Variants in PRKCD observed in about 807,000 individuals in gnomAD.
PRKCD encodes protein kinase C delta type.
In PRKCD, 20 loss-of-function variants were observed where a neutral mutation model predicts 82.2. That is an observed-to-expected ratio of 0.24 (90% CI 0.17 to 0.35). The LOEUF (loss-of-function observed/expected upper bound fraction) is 0.35, where lower values mean the gene tolerates loss of function less well. Among genes scored for constraint, PRKCD ranks in the 10% least tolerant of loss-of-function variants. PRKCD has a pLI of 1.00. For synonymous variants in PRKCD, 317 were observed against 337.0 expected (o/e 0.94, Z 0.65); for missense variants, 607 against 899.0 (o/e 0.68, Z 4.15).
chr3:53,166,595 C>T (rs1702839439), intron 2 of PRKCD, among the ~76,000 whole-genome samples: 2 of 152,252 alleles, frequency 1.3e-5, no homozygotes, highest in Admixed American at 6.5e-5. Context: ...CACACAGATG[C>T]TCTCCCAGTT....
intron 9 of PRKCD, among the ~76,000 whole-genome samples, chr3:53,184,521 C>T (rs1415687320): frequency 1.3e-5 from 2 of 151,580 alleles, no homozygotes; most frequent in South Asian, 2.1e-4. Context: ...ACTAAAAATA[C>T]AAAATTAGCC....
At chr3:53,164,026 G>A (rs1575521092) in intron 1 of PRKCD, among the ~76,000 whole-genome samples, 1 of 152,306 alleles carries the variant, frequency 6.6e-6, no homozygotes, top group Non-Finnish European at 1.5e-5. Flanking sequence ...ATAAAGCCAA[G>A]GATGCCTCTG....
In PRKCD at chr3:53,183,205, T is replaced by C; in HGVS notation, c.656T>C (p.Ile219Thr). 2 of 1,613,948 alleles carry C rather than the reference T, an allele frequency of 1.2e-6. No individual in the cohort carries two copies. Among genetic ancestry groups the C allele is most frequent in the South Asian group, 1.1e-5 (1 of 91,066 alleles). Residue 219 changes from isoleucine (I) to threonine (T), a missense_variant and splice_region_variant, in exon 8 of 19, where the codon ATA becomes ACA. Physicochemically the swap from Ile to Thr is moderately conservative, Grantham distance 89 (BLOSUM62 -1). Transcript: ENST00000330452. Reference protein sequence around the residue: ...TGTAANSRDTIFQKERFNIDM... With the variant: ...TGTAANSRDTTFQKERFNIDM... ...ACCGCGGCCAACAGCCGGGACACTA[T>C]AGTGAGCCTGGGTCCGGGGCAGGGC...
intron 2 of PRKCD, among the ~76,000 whole-genome samples, chr3:53,167,531 C>T (rs369138999): frequency 1.3e-4 from 20 of 152,342 alleles, no homozygotes; most frequent in African/African-American, 3.4e-4. Context: ...GTGGCTCTGC[C>T]GCTCAGTGCC....
At chr3:53,175,861 G>C (rs1703196100) in intron 2 of PRKCD, among the ~76,000 whole-genome samples, 1 of 152,216 alleles carries the variant, frequency 6.6e-6, no homozygotes, top group Non-Finnish European at 1.5e-5. Context: ...TCAGGGACAA[G>C]CCAGGCAGCA....
chr3:53,168,588 G>A (rs1246130144), intron 2 of PRKCD, among the ~76,000 whole-genome samples: 1 of 151,968 alleles, frequency 6.6e-6, no homozygotes, highest in Non-Finnish European at 1.5e-5. Flanking sequence ...GGACTGGACC[G>A]TTCCCCACTT....
At chr3:53,162,213 C>T (rs1268162948) in intron 1 of PRKCD, among the ~76,000 whole-genome samples, 1 of 152,040 alleles carries the variant, frequency 6.6e-6, no homozygotes, top group Non-Finnish European at 1.5e-5. Flanking sequence ...TCTGTACTCG[C>T]CCCCAACCCA....
intron 1 of PRKCD, among the ~76,000 whole-genome samples, chr3:53,162,424 CG>C (rs1240486328): frequency 2.6e-5 from 4 of 152,232 alleles, no homozygotes; most frequent in South Asian, 4.1e-4. Flanking sequence ...TGTGAGTGGG[CG>C]GGGGGTCCCC....
At chr3:53,181,183 C>A (rs577091267) in intron 4 of PRKCD, 24 bp from the exon 5 acceptor site, 2 of 1,611,222 alleles carry the variant, frequency 1.2e-6, no homozygotes, top group South Asian at 1.1e-5. Flanking sequence ...ACCTTGTTCT[C>A]CCCTGGCCTC....
chr3:53,188,357 AT>A (rs1369444663), intron 15 of PRKCD, among the ~76,000 whole-genome samples: 1 of 152,126 alleles, frequency 6.6e-6, no homozygotes, highest in African/African-American at 2.4e-5. Context: ...ATATACTCAA[AT>A]GACTAATTAC....
In PRKCD at chr3:53,181,840, G is replaced by A. The variant is rs557318056; in HGVS notation, c.571+108G>A. The A allele has an allele frequency of 2.9e-5, 44 of 1,521,692 alleles. No homozygotes were observed. The African/African-American group carries it at 4.1e-4, about 14-fold the overall frequency. 94.3% of individuals were successfully genotyped at this position (1,521,692 alleles called of 1,614,324 possible). A position where few individuals can be genotyped will look rare whatever the true frequency, so the allele number is the denominator to read the frequency against. ...GTGTGCGCTCAGAGAGTGTATGCAC[G>A]TGAGTTTTCCCAGTGTAGATACAGC... is the stretch of plus-strand genomic sequence containing the variant. On this transcript the variant is annotated intron_variant, in intron 7 of 18. Coordinates refer to ENST00000330452, the MANE Select transcript of PRKCD (RefSeq NM_006254.4).
chr3:53,187,418 C>G lies in PRKCD; in HGVS notation c.1415+16C>G. The G allele has an allele frequency of 6.2e-7, 1 of 1,613,036 alleles. No homozygotes were observed. The highest frequency in any genetic ancestry group is 1.3e-5 in the African/African-American group (1 of 75,028). The stretch of plus-strand genomic sequence containing the variant: ...TCATTTACAGGTGCGGGGGTGAGGG[C>G]AGCGGGGGCTCTTGGGAGGGGAGGC... On this transcript the variant is annotated intron_variant, in intron 15 of 18. Coordinates refer to ENST00000330452, the MANE Select transcript of PRKCD (RefSeq NM_006254.4).
At chr3:53,170,003 A>G (rs1301235731) in intron 2 of PRKCD, among the ~76,000 whole-genome samples, 3 of 152,306 alleles carry the variant, frequency 2.0e-5, no homozygotes, top group South Asian at 2.1e-4. Flanking sequence ...AGCTTTCTCA[A>G]TATCCCCAAA....
chr3:53,162,720 G>A (rs1261939854), intron 1 of PRKCD, among the ~76,000 whole-genome samples: 2 of 142,232 alleles, frequency 1.4e-5, no homozygotes, highest in East Asian at 2.1e-4. Flanking sequence ...GTGTGTGTGT[G>A]TCCTTGCCTG....
At chr3:53,181,137 G>A in intron 4 of PRKCD, 70 bp from the exon 5 acceptor site, 1 of 1,540,304 alleles carries the variant, frequency 6.5e-7, no homozygotes, top group South Asian at 1.2e-5. Context: ...ATGGGGGTGG[G>A]TTCTGAGTTT....
chr3:53,165,571 T>A (rs1553663718), intron 2 of PRKCD, among the ~76,000 whole-genome samples: 1 of 152,220 alleles, frequency 6.6e-6, no homozygotes, highest in Non-Finnish European at 1.5e-5. Flanking sequence ...AGCTTTTCCA[T>A]GGCCCTGTAT....
intron 2 of PRKCD, among the ~76,000 whole-genome samples, chr3:53,172,801 C>CA (rs1402808680): frequency 6.6e-6 from 1 of 152,210 alleles, no homozygotes; most frequent in Non-Finnish European, 1.5e-5. Flanking sequence ...CCTCTGCTCT[C>CA]ACACACCTCC....
chr3:53,178,438 C>T lies in PRKCD; in HGVS notation c.16C>T (p.Arg6Cys). The change falls in exon 3 of 19, where the codon CGC becomes TGC. Residue 6 changes from arginine to cysteine, a missense_variant. Physicochemically the swap from Arg to Cys is radical, Grantham distance 180. Around this residue, in one of 5 missense-constraint regions of PRKCD, gnomAD observed 161 missense variants for 227.0 expected, o/e 0.71. Coordinates refer to ENST00000330452, the MANE Select transcript of PRKCD (RefSeq NM_006254.4). MAPFL[R>C]IAFNSYELGS... ...AGGCCCCACCATGGCGCCGTTCCTG[C>T]GCATCGCCTTCAACTCCTATGAGCT... 3.1e-6 allele frequency: 5 copies of T among 1,611,942 alleles called. No homozygotes were observed. Among genetic ancestry groups the T allele is most frequent in the East Asian group, 2.2e-5 (1 of 44,868 alleles).
rs138290688 is a variant in PRKCD, at chr3:53,176,851, CAG to C, written c.-19-1550_-19-1549del. On this transcript the variant is annotated intron_variant, in intron 2 of 18. Coordinates refer to ENST00000330452, the MANE Select transcript of PRKCD (RefSeq NM_006254.4). ...TTTTTTAATTTTTATTTTTCTGAGG[CAG>C]AGTCTCGCTCTGTTGCCCAGGCTGG... 5.0e-3 allele frequency among the ~76,000 whole-genome samples: 767 copies of C among 152,280 alleles called. 7 individuals are homozygous for C. The highest frequency in any genetic ancestry group is 0.018 in the African/African-American group (728 of 41,554).
Sources: gnomAD v4.1 joint callset for allele counts (sites outside exome capture counted in the v4.1 genomes callset) on GRCh38, gnomAD v4.1.1 for gene constraint, gnomAD v4.1.1 regional missense constraint, MANE v1.5 for transcripts, NCBI Gene and HGNC (gene_info 2026-07-23, HGNC 2026-07-21) for gene names.